Variants in ARHGAP6 observed in about 807,000 individuals in gnomAD.
ARHGAP6 encodes Rho GTPase activating protein 6.
A neutral mutation model predicts 55.7 loss-of-function variants in ARHGAP6; 16 were observed. The ratio of observed to expected loss-of-function variants is 0.29; its 90% CI spans 0.19 to 0.44. ARHGAP6 has a LOEUF of 0.44. Ranked by LOEUF, ARHGAP6 falls within the 20% of genes least tolerant of loss-of-function variation. The pLI, the probability that ARHGAP6 is intolerant of heterozygous loss-of-function variation, is 1.00. For missense variants in ARHGAP6, 698 were observed against 808.9 expected (o/e 0.86, Z 1.66); for synonymous variants, 382 against 360.9 (o/e 1.06, Z -0.66).
chrX:11,514,154 C>T (rs1176702690), intron 1 of ARHGAP6, among the ~76,000 whole-genome samples: 6 of 64,797 alleles, frequency 9.3e-5, no homozygotes, highest in Non-Finnish European at 8.3e-5. Flanking sequence ...GAAGTGAAAC[C>T]CTGTCTCAAA....
At chrX:11,257,219 C>T (rs1348005307) in intron 1 of ARHGAP6, among the ~76,000 whole-genome samples, 2 of 111,753 alleles carry the variant, frequency 1.8e-5, no homozygotes, top group African/African-American at 3.3e-5. Context: ...TAGGTACCTA[C>T]GGGAGCTGAC....
chrX:11,215,780 C>T (rs1393420593), intron 2 of ARHGAP6, among the ~76,000 whole-genome samples: 1 of 112,392 alleles, frequency 8.9e-6, no homozygotes, highest in Non-Finnish European at 1.9e-5. Flanking sequence ...CCCAAGGGGA[C>T]GGTTTGTCTG....
intron 1 of ARHGAP6, among the ~76,000 whole-genome samples, chrX:11,446,310 T>G (rs1048722035): frequency 1.8e-5 from 2 of 111,525 alleles, no homozygotes; most frequent in South Asian, 7.6e-4. Context: ...CCTGAATAAG[T>G]TCCATCTTAT....
chrX:11,174,403 T>A (rs2046138490), intron 8 of ARHGAP6, among the ~76,000 whole-genome samples: 1 of 111,618 alleles, frequency 9.0e-6, no homozygotes, highest in Non-Finnish European at 1.9e-5. Context: ...TAGATGCCAT[T>A]GTATCCTGAG....
chrX:11,159,364 A>AG (rs2045908795), intron 9 of ARHGAP6, among the ~76,000 whole-genome samples: 1 of 111,639 alleles, frequency 9.0e-6, no homozygotes, highest in African/African-American at 3.3e-5. Context: ...GAGAGCAGAG[A>AG]GGGCCTGCTG....
intron 1 of ARHGAP6, among the ~76,000 whole-genome samples, chrX:11,320,716 T>A (rs189534826): frequency 9.5e-6 from 1 of 104,759 alleles, no homozygotes; most frequent in Non-Finnish European, 2.0e-5. Context: ...TGTGCCCTAA[T>A]GAAGAAAAGG....
chrX:11,589,634 C>T (rs1457513032), intron 1 of ARHGAP6, among the ~76,000 whole-genome samples: 4 of 110,592 alleles, frequency 3.6e-5, no homozygotes, highest in African/African-American at 9.9e-5. Flanking sequence ...TGTTTAGTTA[C>T]TATCTGCTGA....
intron 1 of ARHGAP6, among the ~76,000 whole-genome samples, chrX:11,312,190 A>C (rs1486730501): frequency 8.9e-6 from 1 of 112,214 alleles, no homozygotes; most frequent in African/African-American, 3.2e-5. Context: ...TGTTTCAGAC[A>C]CACACAACAC....
intron 1 of ARHGAP6, among the ~76,000 whole-genome samples, chrX:11,437,685 A>G (rs1417393109): frequency 8.9e-6 from 1 of 112,232 alleles, no homozygotes; most frequent in Admixed American, 9.4e-5. Context: ...AAGAATTTGG[A>G]CTTTAATATT....
intron 2 of ARHGAP6, among the ~76,000 whole-genome samples, chrX:11,248,728 C>G (rs1045182567): frequency 8.9e-6 from 1 of 112,198 alleles, no homozygotes; most frequent in African/African-American, 3.2e-5. Context: ...TACCACCTTA[C>G]TCCTGCAAGA....
intron 8 of ARHGAP6, among the ~76,000 whole-genome samples, chrX:11,171,203 C>T (rs1290286378): frequency 9.0e-6 from 1 of 110,523 alleles, no homozygotes; most frequent in East Asian, 2.8e-4. Context: ...AATTAGAAAG[C>T]ACAGGTAAGC....
chrX:11,254,493 A>C (rs915539468), intron 2 of ARHGAP6, 55 bp downstream of exon 2: 20 of 1,175,643 alleles, frequency 1.7e-5, no homozygotes, highest in Non-Finnish European at 2.2e-5. Flanking sequence ...CGGCTTTGGC[A>C]GAGCCAATAT....
chrX:11,540,071 T>G (rs916216673), intron 1 of ARHGAP6, among the ~76,000 whole-genome samples: 4 of 109,679 alleles, frequency 3.6e-5, no homozygotes, highest in Non-Finnish European at 5.7e-5. Flanking sequence ...CTGGCCAAGA[T>G]GGTGAAACCC....
intron 1 of ARHGAP6, among the ~76,000 whole-genome samples, chrX:11,412,170 C>T (rs533551441): frequency 2.7e-5 from 3 of 111,402 alleles, no homozygotes; most frequent in Non-Finnish European, 5.7e-5. Flanking sequence ...GAAAAACAGT[C>T]CCCCAAATGA....
At chrX:11,371,563 T>G (rs1428996481) in intron 1 of ARHGAP6, among the ~76,000 whole-genome samples, 1 of 112,488 alleles carries the variant, frequency 8.9e-6, no homozygotes, top group African/African-American at 3.2e-5. Flanking sequence ...ATTACTATAA[T>G]CCTTAATAGA....
chrX:11,590,945 T>A (rs1214689120), intron 1 of ARHGAP6, among the ~76,000 whole-genome samples: 1 of 104,184 alleles, frequency 9.6e-6, no homozygotes, highest in East Asian at 3.2e-4. Flanking sequence ...TTAAGTTGAA[T>A]CATTTGATTT....
intron 1 of ARHGAP6, among the ~76,000 whole-genome samples, chrX:11,288,632 C>A (rs1432065349): frequency 9.0e-6 from 1 of 111,703 alleles, no homozygotes; most frequent in Admixed American, 9.5e-5. Flanking sequence ...CAAAAAGAAA[C>A]CTGGGGCTCA....
intron 1 of ARHGAP6, among the ~76,000 whole-genome samples, chrX:11,519,405 A>G (rs1433007745): frequency 9.2e-6 from 1 of 108,918 alleles, no homozygotes; most frequent in African/African-American, 3.4e-5. Context: ...GCATTTTTTC[A>G]TGTGTTTTTT....
At chrX:11,595,203 T>A (rs1172164374) in intron 1 of ARHGAP6, among the ~76,000 whole-genome samples, 1 of 107,390 alleles carries the variant, frequency 9.3e-6, no homozygotes, top group East Asian at 2.9e-4. Context: ...GACAGGAGAA[T>A]CGCTTGAACC....
Sources: gnomAD v4.1 joint callset for allele counts (sites outside exome capture counted in the v4.1 genomes callset) on GRCh38, gnomAD v4.1.1 for gene constraint, MANE v1.5 for transcripts, NCBI Gene and HGNC (gene_info 2026-07-23, HGNC 2026-07-21) for gene names.